OLA1: variants seen among roughly 807,000 people sequenced by gnomAD.
OLA1 encodes the protein Obg like ATPase 1.
OLA1 carries 14 observed loss-of-function variants against 48.4 expected under a neutral mutation model. The observed-to-expected ratio is 0.29, with a 90% CI of 0.19 to 0.45. The LOEUF is 0.45. OLA1 is among the 20% of genes least tolerant of loss of function. The pLI, the probability that OLA1 is intolerant of heterozygous loss-of-function variation, is 1.00. For synonymous variants in OLA1, 127 were observed against 150.4 expected, an observed-to-expected ratio of 0.84 and a Z score of 1.14; for missense variants, 325 against 467.1, an observed-to-expected ratio of 0.70 and a Z score of 2.80.
In OLA1 at chr2:174,073,369, C is replaced by T. The variant is rs1181950190; in HGVS notation, c.*2057G>A. 2 of 152,056 alleles carry T rather than the reference C, an allele frequency of 1.3e-5. No homozygotes were observed. The highest frequency in any genetic ancestry group is 2.9e-5 in the Non-Finnish European group (2 of 67,998). The allele number at this position is 152,056 out of a possible 1,614,324, so 9.4% of individuals were successfully genotyped here. A position where few individuals can be genotyped will look rare whatever the true frequency, so the allele number is the denominator to read the frequency against. ...GATACATGCAAAAATATTTACATAA[C>T]ATCCTAAAATATATTAACTTTATCA... On this transcript the variant is annotated 3_prime_UTR_variant, in exon 11 of 11. Transcript: ENST00000284719.
At chr2:174,129,590 A>G (rs1354072337) in intron 5 of OLA1, among the ~76,000 whole-genome samples, 1 of 151,736 alleles carries the variant, frequency 6.6e-6, no homozygotes, top group African/African-American at 2.4e-5. Context: ...AAATAATGAA[A>G]CTGGTTAGAT....
intron 5 of OLA1, among the ~76,000 whole-genome samples, chr2:174,141,546 A>G (rs1686446939): frequency 1.3e-5 from 2 of 152,150 alleles, no homozygotes; most frequent in South Asian, 4.1e-4. Flanking sequence ...ATCATAAACC[A>G]CACTTTATTA....
intron 2 of OLA1, among the ~76,000 whole-genome samples, chr2:174,244,466 G>A (rs1167865404): frequency 6.6e-6 from 1 of 151,990 alleles, no homozygotes; most frequent in East Asian, 1.9e-4. Flanking sequence ...AGCTATGGTC[G>A]TCCCTCCATA....
At chr2:174,104,585 T>C (rs1213559583) in intron 7 of OLA1, among the ~76,000 whole-genome samples, 1 of 152,056 alleles carries the variant, frequency 6.6e-6, no homozygotes, top group Non-Finnish European at 1.5e-5. Flanking sequence ...TTTCTTGGCA[T>C]ATACCAGCAT....
chr2:174,145,056 T>A (rs1255284588), intron 4 of OLA1, among the ~76,000 whole-genome samples: 3 of 146,124 alleles, frequency 2.1e-5, no homozygotes, highest in African/African-American at 7.6e-5. Flanking sequence ...TTACCTAACC[T>A]CTATAGATCT....
intron 4 of OLA1, among the ~76,000 whole-genome samples, chr2:174,217,443 G>A (rs894383777): frequency 1.5e-5 from 2 of 136,948 alleles, no homozygotes; most frequent in Non-Finnish European, 3.0e-5. Context: ...TATTTCCAAC[G>A]CTTACAGTGC....
In OLA1 at chr2:174,190,901, C is replaced by T. The variant is rs114205838; in HGVS notation, c.373+32132G>A. ...CAGAGCTTGCAGTGAGCCGAGATTG[C>T]GCCACTGTACTCCAGCCTGGGCAAC... On this transcript the variant is annotated intron_variant, in intron 4 of 10. Transcript: ENST00000284719. 5.3e-4 allele frequency among the ~76,000 whole-genome samples: 75 copies of T among 140,214 alleles called. 2 individuals carry two copies. The East Asian group carries it at 0.015, about 28-fold the overall frequency. 92.0% of individuals were successfully genotyped at this position (140,214 alleles called of 152,430 possible). A position where few individuals can be genotyped will look rare whatever the true frequency, so the allele number is the denominator to read the frequency against.
intron 7 of OLA1, among the ~76,000 whole-genome samples, chr2:174,111,950 A>G (rs1685662295): frequency 6.6e-6 from 1 of 152,232 alleles, no homozygotes; most frequent in South Asian, 2.1e-4. Flanking sequence ...ATTGGAAAAT[A>G]GTTTTTAGAG....
At chr2:174,194,777 T>C (rs888410098) in intron 4 of OLA1, among the ~76,000 whole-genome samples, 4 of 152,154 alleles carry the variant, frequency 2.6e-5, no homozygotes, top group African/African-American at 7.2e-5. Context: ...TTGCACCCTT[T>C]AGTGAAAATT....
At chr2:174,089,291 C>T (rs1197768760) in intron 7 of OLA1, among the ~76,000 whole-genome samples, 1 of 152,188 alleles carries the variant, frequency 6.6e-6, no homozygotes, top group Non-Finnish European at 1.5e-5. Context: ...GATTCATATG[C>T]ATGTTAAACT....
chr2:174,223,765 C>CAAAAAAAAAAAAAA (rs71021680), intron 3 of OLA1, among the ~76,000 whole-genome samples: 1 of 73,322 alleles, frequency 1.4e-5, no homozygotes. Flanking sequence ...GTTATATAGA[C>CAAAAAAAAAAAAAA]AAAAAAAAAA....
At position 174,123,815 on chromosome 2, in the gene OLA1, C is replaced by T. The variant is rs1251591834; in HGVS notation, c.550-140G>A. ...GCTAGGTCACACAAATAATTATTTT[C>T]AATATCTCATTTAAAAACCAATTAC... On this transcript the variant is annotated intron_variant, in intron 5 of 10. Coordinates refer to ENST00000284719, the MANE Select transcript of OLA1 (RefSeq NM_013341.5). 5 of 407,224 alleles carry T rather than the reference C, an allele frequency of 1.2e-5. No individual in the cohort carries two copies. In the East Asian group the frequency reaches 1.8e-4, roughly 15 times the overall value. The allele number at this position is 407,224 out of a possible 1,614,324, so 25.2% of individuals were successfully genotyped here. A position where few individuals can be genotyped will look rare whatever the true frequency, so the allele number is the denominator to read the frequency against.
chr2:174,207,123 C>T (rs541257888), intron 4 of OLA1, among the ~76,000 whole-genome samples: 1 of 152,252 alleles, frequency 6.6e-6, no homozygotes, highest in South Asian at 2.1e-4. Context: ...CCTAACTTAA[C>T]CTAAGTTGGG....
chr2:174,193,112 G>A (rs1193088828), intron 4 of OLA1, among the ~76,000 whole-genome samples: 2 of 132,658 alleles, frequency 1.5e-5, no homozygotes, highest in African/African-American at 5.7e-5. Context: ...TTTTTGAGAT[G>A]GGGGTCTCGC....
At chr2:174,109,758 T>C (rs1429394520) in intron 7 of OLA1, among the ~76,000 whole-genome samples, 1 of 152,204 alleles carries the variant, frequency 6.6e-6, no homozygotes, top group Non-Finnish European at 1.5e-5. Context: ...AAAACACTTT[T>C]AAATAATAAA....
intron 9 of OLA1, among the ~76,000 whole-genome samples, chr2:174,080,457 C>A (rs1684832073): frequency 1.3e-5 from 2 of 152,062 alleles, no homozygotes; most frequent in South Asian, 4.1e-4. Flanking sequence ...TACTATGTTA[C>A]AATATATTTA....
At chr2:174,214,017 A>C (rs950817923) in intron 4 of OLA1, among the ~76,000 whole-genome samples, 2 of 151,570 alleles carry the variant, frequency 1.3e-5, no homozygotes, top group African/African-American at 4.9e-5. Context: ...CAAAAAAAAA[A>C]CCCAACAATG....
rs1558940371 is a variant in OLA1 at position 174,073,704 on chromosome 2, T to C, written c.*1722A>G. ...ACTGATTTCAAACTTCTTTAAGAAG[T>C]CCATGCAATTTACTTTGGAGAAGAC... On this transcript the variant is annotated 3_prime_UTR_variant, in exon 11 of 11. Coordinates refer to ENST00000284719, the MANE Select transcript of OLA1 (RefSeq NM_013341.5). The C allele has an allele frequency of 6.6e-6, 1 of 152,176 alleles. No homozygotes were observed. Among genetic ancestry groups the C allele is most frequent in the Non-Finnish European group, 1.5e-5 (1 of 68,034 alleles). The allele number at this position is 152,176 out of a possible 1,614,324, so 9.4% of individuals were successfully genotyped here.
At chr2:174,091,528 C>T (rs547770266) in intron 7 of OLA1, among the ~76,000 whole-genome samples, 1 of 152,270 alleles carries the variant, frequency 6.6e-6, no homozygotes, top group South Asian at 2.1e-4. Context: ...TAAACAAGTA[C>T]AAGTGCTGAA....
Sources: gnomAD v4.1 joint callset for allele counts (sites outside exome capture counted in the v4.1 genomes callset) on GRCh38, gnomAD v4.1.1 for gene constraint, MANE v1.5 for transcripts, NCBI Gene and HGNC (gene_info 2026-07-23, HGNC 2026-07-21) for gene names.